The following CHRM5 variants were observed in gnomAD, a reference collection of about 807,000 sequenced individuals.
CHRM5 encodes muscarinic acetylcholine receptor M5.
In CHRM5, 18 loss-of-function variants were observed where a neutral mutation model predicts 39.0. The observed-to-expected ratio is 0.46, with a 90% confidence interval of 0.32 to 0.68. CHRM5 has a LOEUF of 0.68. Among genes scored for constraint, CHRM5 ranks in the 30% least tolerant of loss-of-function variants. CHRM5 has a pLI of 0.04. For synonymous variants in CHRM5, 241 were observed against 246.3 expected, an observed-to-expected ratio of 0.98 and a Z score of 0.20; for missense variants, 515 against 651.1, an observed-to-expected ratio of 0.79 and a Z score of 2.28.
At chr15:33,996,000 T>C (rs895115569) in intron 1 of CHRM5, among the ~76,000 whole-genome samples, 3 of 127,756 alleles carry the variant, frequency 2.3e-5, no homozygotes, top group African/African-American at 9.1e-5. Flanking sequence ...TTTCCAACAG[T>C]CTTAGCAAAT....
At chr15:34,019,225 G>A (rs1267225484) in intron 1 of CHRM5, among the ~76,000 whole-genome samples, 1 of 152,144 alleles carries the variant, frequency 6.6e-6, no homozygotes, top group Non-Finnish European at 1.5e-5. Flanking sequence ...CTAGGCTAAT[G>A]GATGTAATTG....
intron 2 of CHRM5, among the ~76,000 whole-genome samples, chr15:34,060,071 A>T (rs1376553141): frequency 6.6e-6 from 1 of 152,240 alleles, no homozygotes; most frequent in Non-Finnish European, 1.5e-5. Flanking sequence ...CCATTGGAAG[A>T]TAATCTGTGA....
intron 1 of CHRM5, among the ~76,000 whole-genome samples, chr15:33,990,211 A>C (rs1051415327): frequency 9.9e-5 from 15 of 151,712 alleles, no homozygotes; most frequent in Admixed American, 2.0e-4. Flanking sequence ...CTCAAAAAAA[A>C]ACAAAACAAA....
chr15:34,002,368 G>A (rs1897170018), intron 1 of CHRM5, among the ~76,000 whole-genome samples: 2 of 144,652 alleles, frequency 1.4e-5, no homozygotes, highest in African/African-American at 5.0e-5. Flanking sequence ...CTATCTTCCA[G>A]TTATTCTTTA....
chr15:33,980,052 A>T (rs766846739), intron 1 of CHRM5, among the ~76,000 whole-genome samples: 1 of 152,230 alleles, frequency 6.6e-6, no homozygotes, highest in Non-Finnish European at 1.5e-5. Context: ...AACAAGGGAG[A>T]AGATTTAAGA....
At chr15:33,983,142 G>GTGTGTGTGTGTGTA (rs1555512725) in intron 1 of CHRM5, among the ~76,000 whole-genome samples, 3 of 115,622 alleles carry the variant, frequency 2.6e-5, no homozygotes, top group African/African-American at 1.4e-4. Context: ...GTGTGTGTGT[G>GTGTGTGTGTGTGTA]TGTGTGTGTG....
At chr15:33,987,579 T>G (rs1453391970) in intron 1 of CHRM5, among the ~76,000 whole-genome samples, 1 of 152,138 alleles carries the variant, frequency 6.6e-6, no homozygotes, top group Non-Finnish European at 1.5e-5. Context: ...GAACAATGGT[T>G]TTTTTCTCCA....
intron 1 of CHRM5, among the ~76,000 whole-genome samples, chr15:33,973,469 A>C (rs1338384080): frequency 1.3e-5 from 2 of 152,190 alleles, no homozygotes; most frequent in African/African-American, 4.8e-5. Context: ...AACTTCTGGT[A>C]ATACCTACAG....
At chr15:34,001,404 T>C (rs181951350) in intron 1 of CHRM5, among the ~76,000 whole-genome samples, 27 of 152,288 alleles carry the variant, frequency 1.8e-4, no homozygotes, top group African/African-American at 6.3e-4. Context: ...ACACAACTGA[T>C]TGAATTAAAT....
At chr15:34,008,724 G>A (rs1897487283) in intron 1 of CHRM5, among the ~76,000 whole-genome samples, 1 of 151,928 alleles carries the variant, frequency 6.6e-6, no homozygotes, top group East Asian at 2.0e-4. Flanking sequence ...TCCTGACCTC[G>A]TGATCTGCCC....
At chr15:34,000,674 T>C (rs180816787) in intron 1 of CHRM5, among the ~76,000 whole-genome samples, 103 of 152,296 alleles carry the variant, frequency 6.8e-4, no homozygotes, top group Non-Finnish European at 1.1e-3. Context: ...GAGAATGAAG[T>C]TGACCTCTCG....
chr15:34,007,674 G>A (rs939090828), intron 1 of CHRM5, among the ~76,000 whole-genome samples: 1 of 152,146 alleles, frequency 6.6e-6, no homozygotes, highest in Non-Finnish European at 1.5e-5. Context: ...TCCTGGTACC[G>A]TATTACTTTC....
intron 2 of CHRM5, among the ~76,000 whole-genome samples, chr15:34,050,960 A>G (rs1398334644): frequency 6.6e-6 from 1 of 152,180 alleles, no homozygotes; most frequent in Non-Finnish European, 1.5e-5. Context: ...AAAATTAACA[A>G]TGATATTCAG....
At position 33,979,411 on chromosome 15, in the gene CHRM5, AG is replaced by A. The variant is rs1299694905; in HGVS notation, c.-408+10263del. Among the ~76,000 whole-genome samples the A allele has an allele frequency of 1.1e-4, 17 of 152,240 alleles. No homozygotes were observed. In the South Asian group the frequency reaches 1.2e-3, roughly 11 times the overall value. On this transcript the variant is annotated intron_variant, in intron 1 of 2. Coordinates refer to ENST00000383263, the MANE Select transcript of CHRM5 (RefSeq NM_012125.4). ...GTAATCCCAGCTACTCAGGAGGCTG[AG>A]GTGGAAGGATCACATGAGCCCAGGA...
chr15:34,038,661 G>T, intron 1 of CHRM5: 1 of 988,902 alleles, frequency 1.0e-6, no homozygotes, highest in Non-Finnish European at 1.2e-6. Flanking sequence ...CGCAGGCGCC[G>T]GCGCCGCCGC....
chr15:34,017,497 T>TTTTTTTTTTTTG (rs1555516619), intron 1 of CHRM5, among the ~76,000 whole-genome samples: 6 of 133,362 alleles, frequency 4.5e-5, no homozygotes, highest in Admixed American at 7.9e-5. Context: ...TTTTTTTTTT[T>TTTTTTTTTTTTG]TTTGAGACAG....
chr15:34,033,778 G>A (rs925434643), intron 1 of CHRM5, among the ~76,000 whole-genome samples: 1 of 152,074 alleles, frequency 6.6e-6, no homozygotes, highest in Admixed American at 6.6e-5. Flanking sequence ...CTACTAAAGA[G>A]TTGGGTTTTG....
intron 1 of CHRM5, chr15:34,038,792 C>T (rs1204665183): frequency 5.9e-6 from 7 of 1,189,782 alleles, no homozygotes; most frequent in Non-Finnish European, 6.2e-6. Context: ...GCGCGCTGGC[C>T]CCTGCGCCCC....
chr15:33,988,901 A>C (rs1277934597), intron 1 of CHRM5, among the ~76,000 whole-genome samples: 2 of 152,226 alleles, frequency 1.3e-5, no homozygotes, highest in African/African-American at 4.8e-5. Flanking sequence ...TGCCCAGTTA[A>C]CACTCATAAC....
Sources: gnomAD v4.1 joint callset for allele counts (sites outside exome capture counted in the v4.1 genomes callset) on GRCh38, gnomAD v4.1.1 for gene constraint, MANE v1.5 for transcripts, NCBI Gene and HGNC (gene_info 2026-07-23, HGNC 2026-07-21) for gene names.